RERE: variants seen among roughly 807,000 people sequenced by gnomAD.
RERE encodes arginine-glutamic acid dipeptide repeats protein.
RERE carries 40 observed loss-of-function variants against 146.1 expected under a neutral mutation model. The ratio of observed to expected loss-of-function variants is 0.27; its 90% CI spans 0.21 to 0.36. The LOEUF (loss-of-function observed/expected upper bound fraction) is 0.36. RERE is among the 10% of genes least tolerant of loss of function. The pLI, the probability that RERE is intolerant of heterozygous loss-of-function variation, is 1.00. For synonymous variants in RERE, 1,003 were observed against 866.0 expected (o/e 1.16, Z -2.78); for missense variants, 1,933 against 2,138.7 (o/e 0.90, Z 1.90).
intron 1 of RERE, among the ~76,000 whole-genome samples, chr1:8,684,779 CTAA>C (rs1324166812): frequency 6.6e-6 from 1 of 152,220 alleles, no homozygotes; most frequent in Non-Finnish European, 1.5e-5. Context: ...ACAGGAAACA[CTAA>C]TTGGTCACCT....
At chr1:8,545,968 C>A (rs1570419094) in intron 6 of RERE, among the ~76,000 whole-genome samples, 1 of 136,146 alleles carries the variant, frequency 7.3e-6, no homozygotes, top group African/African-American at 3.0e-5. Context: ...CAGGTGCAAG[C>A]TACCATACCC....
chr1:8,642,275 T>A (rs1647190896), intron 2 of RERE, among the ~76,000 whole-genome samples: 1 of 152,206 alleles, frequency 6.6e-6, no homozygotes, highest in Non-Finnish European at 1.5e-5. Flanking sequence ...GGTACTCTTA[T>A]CCCCATTTTA....
chr1:8,619,074 C>T (rs559031715), intron 3 of RERE, among the ~76,000 whole-genome samples: 23 of 152,268 alleles, frequency 1.5e-4, no homozygotes, highest in Admixed American at 6.5e-4. Context: ...TGGTATTAAA[C>T]GATAAATAAC....
chr1:8,796,964 GC>G, intron 1 of RERE, among the ~76,000 whole-genome samples: 1 of 152,230 alleles, frequency 6.6e-6, no homozygotes, highest in Non-Finnish European at 1.5e-5. Flanking sequence ...CACAGACTTA[GC>G]CAGTGATAGG....
intron 1 of RERE, among the ~76,000 whole-genome samples, chr1:8,662,621 C>T (rs1217296183): frequency 1.3e-5 from 2 of 152,034 alleles, no homozygotes; most frequent in Non-Finnish European, 2.9e-5. Flanking sequence ...TGTTTGAGGC[C>T]AAGAGTTCAA....
intron 1 of RERE, among the ~76,000 whole-genome samples, chr1:8,670,758 G>A (rs1207639787): frequency 6.6e-6 from 1 of 152,202 alleles, no homozygotes; most frequent in African/African-American, 2.4e-5. Context: ...AGCAGTGAGC[G>A]CAAGAAGAAT....
chr1:8,683,925 A>G (rs942345618), intron 1 of RERE, among the ~76,000 whole-genome samples: 2 of 152,204 alleles, frequency 1.3e-5, no homozygotes, highest in Non-Finnish European at 1.5e-5. Flanking sequence ...CCAGGCAACA[A>G]GGGAGAAACT....
At chr1:8,481,942 T>A (rs761836454) in intron 10 of RERE, among the ~76,000 whole-genome samples, 3 of 151,976 alleles carry the variant, frequency 2.0e-5, no homozygotes, top group Non-Finnish European at 4.4e-5. Context: ...ACCTGAGGAG[T>A]GTTGCTTAGT....
At chr1:8,405,882 G>A (rs751170479) in intron 12 of RERE, among the ~76,000 whole-genome samples, 4 of 152,028 alleles carry the variant, frequency 2.6e-5, no homozygotes, top group African/African-American at 4.8e-5. Flanking sequence ...TGATCTACCC[G>A]CCTCAGCCTC....
intron 10 of RERE, among the ~76,000 whole-genome samples, chr1:8,477,866 G>A (rs1295770534): frequency 2.6e-5 from 4 of 152,026 alleles, no homozygotes; most frequent in East Asian, 1.9e-4. Context: ...ATGGAACAAC[G>A]AAGACCGAAG....
chr1:8,515,183 C>T (rs1645397387), intron 7 of RERE, among the ~76,000 whole-genome samples: 1 of 152,058 alleles, frequency 6.6e-6, no homozygotes, highest in African/African-American at 2.4e-5. Flanking sequence ...CCAGCCTGGG[C>T]AACAGGCTTT....
chr1:8,593,417 G>C (rs890971851), intron 4 of RERE, among the ~76,000 whole-genome samples: 1 of 152,172 alleles, frequency 6.6e-6, no homozygotes, highest in Non-Finnish European at 1.5e-5. Flanking sequence ...CGTCTCATGA[G>C]ATCTGATTGT....
intron 3 of RERE, among the ~76,000 whole-genome samples, chr1:8,620,107 AAAGT>A (rs922562444): frequency 2.6e-5 from 4 of 152,208 alleles, no homozygotes; most frequent in Admixed American, 6.5e-5. Context: ...CAAAACCCTA[AAAGT>A]AAGTAAGTCA....
rs1278402311 is a variant in RERE at position 8,495,046 on chromosome 1, G to C, written c.1104+17C>G. 6.4e-6 allele frequency: 10 copies of C among 1,563,654 alleles called. No individual in the cohort carries two copies. The highest frequency in any genetic ancestry group is 8.8e-6 in the Non-Finnish European group (10 of 1,134,138). ...AAAGAAGTGTCTTCCCACTCAGGGT[G>C]ACTTCAAAAGACTTACTGTGTTCAG... On this transcript the variant is annotated intron_variant, in intron 10 of 22. Coordinates refer to ENST00000400908, the MANE Select transcript of RERE (RefSeq NM_001042681.2).
chr1:8,495,177 GT>G lies in RERE; in HGVS notation c.1005-16del. Reference sequence around the variant, plus strand: ...CCGCCATGCTCCTTCAGAAGAAAAGGTTTTTCCTTTATTAGTACATAGTAAT... The same window carrying G: ...CCGCCATGCTCCTTCAGAAGAAAAGGTTTTCCTTTATTAGTACATAGTAAT... On this transcript the variant is annotated splice_polypyrimidine_tract_variant and intron_variant, in intron 9 of 22. Transcript: ENST00000400908. 1 of 1,597,048 alleles carries G rather than the reference GT, an allele frequency of 6.3e-7. No homozygotes were observed. Among genetic ancestry groups the G allele is most frequent in the Non-Finnish European group, 8.6e-7 (1 of 1,164,708 alleles).
chr1:8,357,869 C>T (rs1461709415), intron 20 of RERE, among the ~76,000 whole-genome samples: 1 of 152,252 alleles, frequency 6.6e-6, no homozygotes, highest in East Asian at 1.9e-4. Flanking sequence ...GCTCCAAAGG[C>T]CACATGACAC....
chr1:8,696,459 TAA>T lies in RERE; in HGVS notation c.-144-40020_-144-40019del, dbSNP rs200148463. On this transcript the variant is annotated intron_variant, in intron 1 of 22. Coordinates refer to ENST00000400908, the MANE Select transcript of RERE (RefSeq NM_001042681.2). ...TAAAACCCCATCTCTACTAAAAAGA[TAA>T]AAATTAGCCAGGTGTGGTGGCACAC... 4.7e-3 allele frequency among the ~76,000 whole-genome samples: 715 copies of T among 151,758 alleles called. 7 individuals carry two copies. Among genetic ancestry groups the T allele is most frequent in the African/African-American group, 0.017 (682 of 41,328 alleles).
intron 1 of RERE, among the ~76,000 whole-genome samples, chr1:8,805,119 T>C (rs1432824787): frequency 1.3e-5 from 2 of 151,034 alleles, no homozygotes; most frequent in African/African-American, 2.4e-5. Context: ...CAAGCGATTG[T>C]CCCGGATCCC....
intron 1 of RERE, among the ~76,000 whole-genome samples, chr1:8,734,062 G>A (rs928758181): frequency 7.9e-5 from 12 of 152,170 alleles, no homozygotes; most frequent in Non-Finnish European, 1.2e-4. Flanking sequence ...AGCCGAAATC[G>A]TGCCACTGCA....
Sources: gnomAD v4.1 joint callset for allele counts (sites outside exome capture counted in the v4.1 genomes callset) on GRCh38, gnomAD v4.1.1 for gene constraint, MANE v1.5 for transcripts, NCBI Gene and HGNC (gene_info 2026-07-23, HGNC 2026-07-21) for gene names.